The following JAKMIP1 variants were observed in gnomAD, a reference collection of about 807,000 sequenced individuals.
The protein encoded by JAKMIP1 is janus kinase and microtubule-interacting protein 1.
A neutral mutation model predicts 113.0 loss-of-function variants in JAKMIP1; 33 were observed. The ratio of observed to expected loss-of-function variants is 0.29; its 90% CI spans 0.22 to 0.39. JAKMIP1 has a LOEUF of 0.39. Among genes scored for constraint, JAKMIP1 ranks in the 10% least tolerant of loss-of-function variants. The probability of loss-of-function intolerance (pLI) is 1.00; values close to 1 mark genes in which losing one functional copy is unlikely to be tolerated. For missense variants in JAKMIP1, 813 were observed against 1,080.5 expected (o/e 0.75, Z 3.47); for synonymous variants, 480 against 459.9 (o/e 1.04, Z -0.56).
At chr4:6,082,666 C>T (rs1489060670) in intron 5 of JAKMIP1, among the ~76,000 whole-genome samples, 1 of 152,054 alleles carries the variant, frequency 6.6e-6, no homozygotes, top group Non-Finnish European at 1.5e-5. Flanking sequence ...CTGCACCCAG[C>T]TAATTTTTTT....
At chr4:6,027,937 G>A (rs1712074633) in intron 20 of JAKMIP1, among the ~76,000 whole-genome samples, 1 of 152,192 alleles carries the variant, frequency 6.6e-6, no homozygotes, top group Admixed American at 6.5e-5. Flanking sequence ...CCTGGGAGAT[G>A]GGAAGAACCG....
rs77613718 is a variant in JAKMIP1 at position 6,137,436 on chromosome 4, C to T, written c.-147-24439G>A. 5.3e-5 allele frequency among the ~76,000 whole-genome samples: 8 copies of T among 152,322 alleles called. No individual in the cohort carries two copies. The highest frequency in any genetic ancestry group is 9.6e-5 in the African/African-American group (4 of 41,576). ...CCATGGAACCTTAATCACGTCACAC[C>T]TGATACAGTTCCTGAAAAGTCGTCT... On this transcript the variant is annotated intron_variant, in intron 1 of 20. Coordinates refer to ENST00000409021, the MANE Select transcript of JAKMIP1 (RefSeq NM_001099433.2). This position sits in a 1 kb window ranked among gnomAD's most constrained non-coding sequence, Gnocchi z 4.5.
chr4:6,191,158 C>T (rs891743294), intron 1 of JAKMIP1, among the ~76,000 whole-genome samples: 5 of 152,160 alleles, frequency 3.3e-5, no homozygotes, highest in Non-Finnish European at 4.4e-5. Flanking sequence ...TAGAGTGGCC[C>T]GACACTCTTG....
intron 7 of JAKMIP1, among the ~76,000 whole-genome samples, chr4:6,079,267 G>A (rs1720150289): frequency 6.6e-6 from 1 of 152,200 alleles, no homozygotes; most frequent in Non-Finnish European, 1.5e-5. Flanking sequence ...AAGATGGATG[G>A]ATAGATAGAT....
rs2108954407 is a variant in JAKMIP1 at position 6,138,515 on chromosome 4, G to T, written c.-147-25518C>A. 6.6e-6 allele frequency among the ~76,000 whole-genome samples: 1 copy of T among 151,996 alleles called. No homozygotes were observed. Among genetic ancestry groups the T allele is most frequent in the South Asian group, 2.1e-4 (1 of 4,820 alleles). ...GCCTCCCAAAATGCTGGGATTACAG[G>T]CGTGAGCCACTGCACCTGGCCTAGA... On this transcript the variant is annotated intron_variant, in intron 1 of 20. Coordinates refer to ENST00000409021, the MANE Select transcript of JAKMIP1 (RefSeq NM_001099433.2). This position sits in a 1 kb window ranked among gnomAD's most constrained non-coding sequence, Gnocchi z 6.0.
At chr4:6,175,246 C>T (rs1283571676) in intron 1 of JAKMIP1, among the ~76,000 whole-genome samples, 1 of 152,134 alleles carries the variant, frequency 6.6e-6, no homozygotes, top group African/African-American at 2.4e-5. Flanking sequence ...TCCCCAAAGT[C>T]ACAGAACTCC....
intron 1 of JAKMIP1, among the ~76,000 whole-genome samples, chr4:6,119,768 G>A (rs1716431261): frequency 6.6e-6 from 1 of 152,216 alleles, no homozygotes; most frequent in Non-Finnish European, 1.5e-5. Context: ...AACCTGCAAG[G>A]TGAGATCAGA....
Position 6,138,227 on chromosome 4 carries a change from G to A in JAKMIP1, c.-147-25230C>T, listed in dbSNP as rs1384773855. Reference sequence around the variant, plus strand: ...AAAGCTGGGGTACCCCAGAACCCAAGTTAATTTAATTTTTATTTATTTTTA... The same window carrying A: ...AAAGCTGGGGTACCCCAGAACCCAAATTAATTTAATTTTTATTTATTTTTA... On this transcript the variant is annotated intron_variant, in intron 1 of 20. Coordinates refer to ENST00000409021, the MANE Select transcript of JAKMIP1 (RefSeq NM_001099433.2). The surrounding 1 kb of genome is among the most constrained non-coding windows in gnomAD (Gnocchi z 6.0). Among the ~76,000 whole-genome samples, 1 of 152,114 alleles carries A rather than the reference G, an allele frequency of 6.6e-6. No homozygotes were observed. Among genetic ancestry groups the A allele is most frequent in the Non-Finnish European group, 1.5e-5 (1 of 68,000 alleles).
chr4:6,047,005 G>A (rs143331502), intron 16 of JAKMIP1, among the ~76,000 whole-genome samples: 2,796 of 152,334 alleles, frequency 0.018, 26 homozygotes, highest in Non-Finnish European at 0.031. Context: ...GCATCTCCAG[G>A]AAGCAAGCAT....
At position 6,187,177 on chromosome 4, in the gene JAKMIP1, G is replaced by A. The variant is rs765010482; in HGVS notation, c.-148+13076C>T. On this transcript the variant is annotated intron_variant, in intron 1 of 20. Transcript: ENST00000409021. The surrounding 1 kb of genome is among the most constrained non-coding windows in gnomAD (Gnocchi z 4.2). ...ATATATTTTGGTGCTCTGTTGTTAG[G>A]TGCAAATATGTTTATAATTGTTATA... Among the ~76,000 whole-genome samples, 2 of 152,114 alleles carry A rather than the reference G, an allele frequency of 1.3e-5. No individual in the cohort carries two copies. The highest frequency in any genetic ancestry group is 2.9e-5 in the Non-Finnish European group (2 of 68,026).
At chr4:6,161,240 C>T (rs868372776) in intron 1 of JAKMIP1, among the ~76,000 whole-genome samples, 18 of 147,562 alleles carry the variant, frequency 1.2e-4, no homozygotes, top group Admixed American at 6.8e-4. Context: ...CTCCACTCAC[C>T]TCCCCTGACC....
At position 6,106,034 on chromosome 4, in the gene JAKMIP1, C is replaced by T. The variant is rs1014832159; in HGVS notation, c.130-67G>A. The T allele has an allele frequency of 8.1e-6, 9 of 1,116,670 alleles. No individual in the cohort carries two copies. The East Asian group carries it at 9.7e-5, about 12-fold the overall frequency. 69.2% of individuals were successfully genotyped at this position (1,116,670 alleles called of 1,614,324 possible). A position where few individuals can be genotyped will look rare whatever the true frequency, so the allele number is the denominator to read the frequency against. ...AGGGTCAGGGTCAGGGTCAGGGTCA[C>T]AGCTGGGGGAGCTGGCCACAGCCTC... is the stretch of plus-strand genomic sequence containing the variant. On this transcript the variant is annotated intron_variant, in intron 2 of 20. Transcript: ENST00000409021. The surrounding 1 kb of genome is among the most constrained non-coding windows in gnomAD (Gnocchi z 5.9).
Position 6,192,508 on chromosome 4 carries a change from T to TCCAAAA in JAKMIP1, c.-148+7739_-148+7744dup, listed in dbSNP as rs1227683503. Among the ~76,000 whole-genome samples, 1 of 152,068 alleles carries TCCAAAA rather than the reference T, an allele frequency of 6.6e-6. No homozygotes were observed. The highest frequency in any genetic ancestry group is 1.9e-4 in the East Asian group (1 of 5,184). On this transcript the variant is annotated intron_variant, in intron 1 of 20. Coordinates refer to ENST00000409021, the MANE Select transcript of JAKMIP1 (RefSeq NM_001099433.2). This position sits in a 1 kb window ranked among gnomAD's most constrained non-coding sequence, Gnocchi z 5.0. ...GAGCCTGTTTTGGTTTTGGTCTACA[T>TCCAAAA]CCAAAACCAACCCCAAGAGATAGGG...
Position 6,105,583 on chromosome 4 carries a change from A to T in JAKMIP1, c.514T>A (p.Cys172Ser), listed in dbSNP as rs369991878. 4 of 1,599,684 alleles carry T rather than the reference A, an allele frequency of 2.5e-6. No homozygotes were observed. Among genetic ancestry groups the T allele is most frequent in the Non-Finnish European group, 2.6e-6 (3 of 1,173,328 alleles). ...GCCTTGGTCTTGTCAGCCTGCATGC[A>T]GTTACTGAGCGCCTCCTCTGCCTGC... ...RKQAEEALSN[C>S]MQADKTKAAD... The change falls in exon 3 of 21, where the codon TGC becomes AGC. Residue 172 changes from cysteine to serine, a missense_variant. By Grantham distance (112) the Cys-to-Ser change is moderately radical. Coordinates refer to ENST00000409021, the MANE Select transcript of JAKMIP1 (RefSeq NM_001099433.2).
chr4:6,054,154 G>C lies in JAKMIP1; in HGVS notation c.1708-6C>G. On this transcript the variant is annotated splice_region_variant and splice_polypyrimidine_tract_variant and intron_variant, in intron 12 of 20. Transcript: ENST00000409021. ...TCCATTTCCAGTCTGTAAATCTAGA[G>C]CAAAGATACCTGCGGATTAACAGGA... The C allele has an allele frequency of 6.2e-7, 1 of 1,614,082 alleles. No individual in the cohort carries two copies. Among genetic ancestry groups the C allele is most frequent in the Non-Finnish European group, 8.5e-7 (1 of 1,179,952 alleles).
rs982177977 is a variant in JAKMIP1, at chr4:6,154,501, A to T, written c.-147-41504T>A. On this transcript the variant is annotated intron_variant, in intron 1 of 20. Transcript: ENST00000409021. The surrounding 1 kb of genome is among the most constrained non-coding windows in gnomAD (Gnocchi z 4.2). Reference sequence around the variant, plus strand: ...ATTTGTCAGATGTCTATAGTCCTTTAAAAAAAAAAAAAAGCAGGGGGGATA... The same window carrying T: ...ATTTGTCAGATGTCTATAGTCCTTTTAAAAAAAAAAAAAGCAGGGGGGATA... Among the ~76,000 whole-genome samples the T allele has an allele frequency of 4.5e-5, 5 of 109,982 alleles. No individual in the cohort carries two copies. The highest frequency in any genetic ancestry group is 1.3e-4 in the African/African-American group (4 of 29,860). The allele number at this position is 109,982 out of a possible 152,430, so 72.2% of individuals were successfully genotyped here. A position where few individuals can be genotyped will look rare whatever the true frequency, so the allele number is the denominator to read the frequency against.
chr4:6,171,441 C>T (rs1207402499), intron 1 of JAKMIP1, among the ~76,000 whole-genome samples: 1 of 151,966 alleles, frequency 6.6e-6, no homozygotes, highest in Non-Finnish European at 1.5e-5. Context: ...ACTCTCACCA[C>T]CATCACCATC....
chr4:6,119,901 C>G (rs1716450647), intron 1 of JAKMIP1, among the ~76,000 whole-genome samples: 1 of 152,238 alleles, frequency 6.6e-6, no homozygotes, highest in African/African-American at 2.4e-5. Flanking sequence ...TCTCCTGCCT[C>G]CAGCCCCACA....
intron 1 of JAKMIP1, among the ~76,000 whole-genome samples, chr4:6,121,685 G>T (rs1039807873): frequency 6.6e-6 from 1 of 152,234 alleles, no homozygotes. Context: ...TGATCGCAGC[G>T]CGGCTCCAGC....
Sources: gnomAD v4.1 joint callset for allele counts (sites outside exome capture counted in the v4.1 genomes callset) on GRCh38, gnomAD v4.1.1 for gene constraint, Gnocchi (gnomAD v3.1) non-coding constraint, MANE v1.5 for transcripts, NCBI Gene and HGNC (gene_info 2026-07-23, HGNC 2026-07-21) for gene names.